The following KCNN2 variants were observed in gnomAD, a reference collection of about 807,000 sequenced individuals.
KCNN2 encodes the protein potassium calcium-activated channel subfamily N member 2.
Under a neutral mutation model 55.5 loss-of-function variants are expected in KCNN2, and 24 were observed. That is an observed-to-expected ratio of 0.43 (90% CI 0.31 to 0.61). KCNN2 has a LOEUF of 0.61. Among genes scored for constraint, KCNN2 ranks in the 20% least tolerant of loss-of-function variants. KCNN2 has a pLI of 0.08. For missense variants in KCNN2, 754 were observed against 853.6 expected, an observed-to-expected ratio of 0.88 and a Z score of 1.45; for synonymous variants, 431 against 336.1, an observed-to-expected ratio of 1.28 and a Z score of -3.09.
At chr5:114,290,941 A>G (rs1200950519) in intron 2 of KCNN2, among the ~76,000 whole-genome samples, 1 of 152,182 alleles carries the variant, frequency 6.6e-6, no homozygotes, top group East Asian at 1.9e-4. Flanking sequence ...AGCTAGAACC[A>G]TGTTTTATAT....
At chr5:114,310,461 G>C (rs1252762545) in intron 2 of KCNN2, among the ~76,000 whole-genome samples, 1 of 152,146 alleles carries the variant, frequency 6.6e-6, no homozygotes, top group Non-Finnish European at 1.5e-5. Flanking sequence ...TAAACTAAAA[G>C]TATCTGATAC....
At chr5:114,421,465 AT>A (rs1759469194) in intron 3 of KCNN2, among the ~76,000 whole-genome samples, 1 of 150,918 alleles carries the variant, frequency 6.6e-6, no homozygotes, top group Non-Finnish European at 1.5e-5. Flanking sequence ...TAATTTTTGT[AT>A]TTTTAGTAGA....
At chr5:114,207,672 T>C (rs1249196196) in intron 1 of KCNN2, among the ~76,000 whole-genome samples, 1 of 152,228 alleles carries the variant, frequency 6.6e-6, no homozygotes, top group Non-Finnish European at 1.5e-5. Flanking sequence ...TCTAATACAC[T>C]GCATCTGTCT....
intron 3 of KCNN2, among the ~76,000 whole-genome samples, chr5:114,446,605 G>A (rs932918283): frequency 6.6e-6 from 1 of 151,884 alleles, no homozygotes; most frequent in Non-Finnish European, 1.5e-5. Flanking sequence ...TTACAGGCAT[G>A]CACCTCTGTG....
chr5:114,442,067 G>A (rs1760235809), intron 3 of KCNN2, among the ~76,000 whole-genome samples: 1 of 152,060 alleles, frequency 6.6e-6, no homozygotes, highest in African/African-American at 2.4e-5. Context: ...AGAGAAAAAA[G>A]CCACTGGAGT....
chr5:114,093,586 A>G (rs1461417747), intron 1 of KCNN2, among the ~76,000 whole-genome samples: 3 of 152,180 alleles, frequency 2.0e-5, no homozygotes, highest in Non-Finnish European at 4.4e-5. Flanking sequence ...GGTTTAATTA[A>G]CTGACAGTTC....
At chr5:114,184,281 G>T (rs1178026025) in intron 1 of KCNN2, among the ~76,000 whole-genome samples, 1 of 152,172 alleles carries the variant, frequency 6.6e-6, no homozygotes, top group Non-Finnish European at 1.5e-5. Context: ...GCTTTTACTG[G>T]TGGGGAATTC....
chr5:114,404,487 A>C lies in KCNN2; in HGVS notation c.1268A>C (p.Tyr423Ser). The change falls in exon 3 of 8, where the codon TAT becomes TCT. Residue 423 changes from tyrosine to serine, a missense_variant. This residue lies in a region of KCNN2 where 123 missense variants were observed against 204.9 expected (regional missense o/e 0.60). Coordinates refer to ENST00000673685, the MANE Select transcript of KCNN2 (RefSeq NM_021614.4). Reference sequence around the variant, plus strand: ...GATGACTGGAGAATAGCCATGACTTATGAGCGTATTTTCTTCATCTGCTTG... The same window carrying C: ...GATGACTGGAGAATAGCCATGACTTCTGAGCGTATTTTCTTCATCTGCTTG... ...GADDWRIAMT[Y>S]ERIFFICLEI... 1 of 1,613,604 alleles carries C rather than the reference A, an allele frequency of 6.2e-7. No individual in the cohort carries two copies. Among genetic ancestry groups the C allele is most frequent in the Non-Finnish European group, 8.5e-7 (1 of 1,179,982 alleles).
intron 5 of KCNN2, among the ~76,000 whole-genome samples, chr5:114,482,994 T>G (rs1209295888): frequency 6.6e-6 from 1 of 151,638 alleles, no homozygotes; most frequent in Non-Finnish European, 1.5e-5. Context: ...TGTTTACCTA[T>G]ATAACATATC....
chr5:114,403,772 A>G (rs1758857119), intron 2 of KCNN2, among the ~76,000 whole-genome samples: 1 of 152,194 alleles, frequency 6.6e-6, no homozygotes, highest in Non-Finnish European at 1.5e-5. Flanking sequence ...GGTGTAAGGA[A>G]TGACAGAAAC....
intron 2 of KCNN2, among the ~76,000 whole-genome samples, chr5:114,373,638 T>TATATATA (rs1355797227): frequency 2.3e-5 from 1 of 43,400 alleles, no homozygotes; most frequent in African/African-American, 7.2e-5. Flanking sequence ...GTTATGAAGA[T>TATATATA]TTTATATATA....
intron 2 of KCNN2, among the ~76,000 whole-genome samples, chr5:114,387,576 C>G (rs1384081401): frequency 1.3e-5 from 2 of 152,144 alleles, no homozygotes; most frequent in Non-Finnish European, 2.9e-5. Flanking sequence ...AGACTTTGGG[C>G]TCATGTATCA....
At chr5:114,270,742 G>T (rs987980216) in intron 2 of KCNN2, among the ~76,000 whole-genome samples, 1 of 152,128 alleles carries the variant, frequency 6.6e-6, no homozygotes, top group South Asian at 2.1e-4. Flanking sequence ...TCCGGAATTG[G>T]TTCCTTCTGG....
chr5:114,222,025 G>A (rs181583525), intron 2 of KCNN2, among the ~76,000 whole-genome samples: 163 of 152,324 alleles, frequency 1.1e-3, no homozygotes, highest in African/African-American at 3.7e-3. Flanking sequence ...GTTAAAACAA[G>A]TTAAAGTGCA....
chr5:114,380,831 G>T (rs1758097444), intron 2 of KCNN2, among the ~76,000 whole-genome samples: 1 of 152,112 alleles, frequency 6.6e-6, no homozygotes, highest in African/African-American at 2.4e-5. Context: ...CACTAATGCA[G>T]GCCGTTATTA....
intron 1 of KCNN2, among the ~76,000 whole-genome samples, chr5:114,092,108 G>T (rs903051554): frequency 6.6e-6 from 1 of 152,188 alleles, no homozygotes; most frequent in Non-Finnish European, 1.5e-5. Context: ...CTAAGAGCCT[G>T]TAAAATCAAA....
At chr5:114,381,069 C>A (rs1002728734) in intron 2 of KCNN2, among the ~76,000 whole-genome samples, 1 of 152,070 alleles carries the variant, frequency 6.6e-6, no homozygotes, top group Non-Finnish European at 1.5e-5. Context: ...CCTTGGTTCA[C>A]GAAAAGCTAA....
At chr5:114,288,874 C>A (rs1445447650) in intron 2 of KCNN2, among the ~76,000 whole-genome samples, 1 of 151,978 alleles carries the variant, frequency 6.6e-6, no homozygotes, top group African/African-American at 2.4e-5. Flanking sequence ...TGATGAAGTT[C>A]AGCTTATTTT....
intron 3 of KCNN2, among the ~76,000 whole-genome samples, chr5:114,461,610 T>G (rs762769780): frequency 4.6e-5 from 7 of 152,142 alleles, no homozygotes; most frequent in Non-Finnish European, 1.0e-4. Context: ...ATGGGTCTCT[T>G]GTATGTCCAA....
Sources: allele counts gnomAD v4.1 joint callset (sites outside exome capture counted in the v4.1 genomes callset), GRCh38; gene constraint gnomAD v4.1.1; regional missense constraint gnomAD v4.1.1; transcripts MANE v1.5; gene names NCBI Gene and HGNC (gene_info 2026-07-23, HGNC 2026-07-21).